NFATC3: variants seen among roughly 807,000 people sequenced by gnomAD.
The protein encoded by NFATC3 is nuclear factor of activated T-cells, cytoplasmic 3.
Under a neutral mutation model 98.6 loss-of-function variants are expected in NFATC3, and 46 were observed. That is an observed-to-expected ratio of 0.47 (90% CI 0.37 to 0.60). The LOEUF is 0.60. NFATC3 is among the 20% of genes least tolerant of loss of function. The pLI is 0.00. For missense variants in NFATC3, 1,256 were observed against 1,295.5 expected (o/e 0.97, Z 0.47); for synonymous variants, 512 against 472.2 (o/e 1.08, Z -1.09).
intron 3 of NFATC3, among the ~76,000 whole-genome samples, chr16:68,135,790 C>T (rs759517720): frequency 6.6e-5 from 10 of 151,978 alleles, no homozygotes; most frequent in Non-Finnish European, 1.0e-4. Flanking sequence ...AGGCTGGGTG[C>T]GGTGGCTCAC....
In NFATC3 at chr16:68,165,713, C is replaced by T. The variant is rs77484859; in HGVS notation, c.1602-1130C>T. 6.9e-3 allele frequency among the ~76,000 whole-genome samples: 1,055 copies of T among 152,194 alleles called. 17 individuals are homozygous for T. Among genetic ancestry groups the T allele is most frequent in the African/African-American group, 0.024 (982 of 41,526 alleles). On this transcript the variant is annotated intron_variant, in intron 4 of 9. Coordinates refer to ENST00000346183, the MANE Select transcript of NFATC3 (RefSeq NM_173165.3). The stretch of plus-strand genomic sequence containing the variant: ...ACCCGGCCGGTTCTTGTCTTGCTAT[C>T]CTAGTTCTGTAATATATTGTCCTTC...
chr16:68,090,056 A>G (rs981099137), intron 1 of NFATC3, among the ~76,000 whole-genome samples: 1 of 152,164 alleles, frequency 6.6e-6, no homozygotes, highest in African/African-American at 2.4e-5. Flanking sequence ...TTGAGGAACT[A>G]TTCCTAGAAA....
chr16:68,188,289 G>A (rs2151107771), intron 8 of NFATC3, among the ~76,000 whole-genome samples: 1 of 152,288 alleles, frequency 6.6e-6, no homozygotes, highest in East Asian at 1.9e-4. Flanking sequence ...CATCGTTTGA[G>A]TGGCTGTAGC....
chr16:68,209,256 C>T (rs2041275246), intron 9 of NFATC3, among the ~76,000 whole-genome samples: 1 of 152,112 alleles, frequency 6.6e-6, no homozygotes, highest in Admixed American at 6.6e-5. Flanking sequence ...GATACCAGCA[C>T]TTTGGGAGGC....
At chr16:68,154,318 GA>G (rs1222765372) in intron 3 of NFATC3, among the ~76,000 whole-genome samples, 1 of 152,056 alleles carries the variant, frequency 6.6e-6, no homozygotes, top group Non-Finnish European at 1.5e-5. Flanking sequence ...AGTTAGTTAC[GA>G]AAATCTCTTT....
intron 8 of NFATC3, among the ~76,000 whole-genome samples, chr16:68,186,883 T>C (rs2040227020): frequency 6.6e-6 from 1 of 152,270 alleles, no homozygotes; most frequent in Non-Finnish European, 1.5e-5. Context: ...ATTTTACTTA[T>C]ACAATTTTTA....
At chr16:68,127,364 G>A (rs761414672) in intron 3 of NFATC3, among the ~76,000 whole-genome samples, 1 of 152,058 alleles carries the variant, frequency 6.6e-6, no homozygotes, top group Non-Finnish European at 1.5e-5. Flanking sequence ...AAGACTGAAT[G>A]GATAGCTAGA....
chr16:68,183,181 T>A, intron 7 of NFATC3, 59 bp from the exon 8 acceptor site: 1 of 1,525,090 alleles, frequency 6.6e-7, no homozygotes, highest in South Asian at 1.3e-5. Context: ...GTGATGTGTT[T>A]AACAGGTGCA....
At chr16:68,105,737 G>C (rs895620560) in intron 1 of NFATC3, among the ~76,000 whole-genome samples, 27 of 152,122 alleles carry the variant, frequency 1.8e-4, no homozygotes, top group Non-Finnish European at 4.4e-5. Flanking sequence ...GGAGAATTTT[G>C]ACTATGATTC....
chr16:68,113,620 C>A (rs2036101334), intron 1 of NFATC3, among the ~76,000 whole-genome samples: 1 of 152,200 alleles, frequency 6.6e-6, no homozygotes, highest in South Asian at 2.1e-4. Flanking sequence ...CTTGGCTGAG[C>A]AGGTTCGGCT....
At chr16:68,168,155 A>T (rs2039299969) in intron 5 of NFATC3, among the ~76,000 whole-genome samples, 1 of 140,546 alleles carries the variant, frequency 7.1e-6, no homozygotes, top group Admixed American at 7.2e-5. Context: ...TCTTTTTTTC[A>T]GGTGAGGGGG....
chr16:68,129,165 T>C lies in NFATC3; in HGVS notation c.1401+2555T>C, dbSNP rs1244144009. Among the ~76,000 whole-genome samples, 3 of 152,054 alleles carry C rather than the reference T, an allele frequency of 2.0e-5. No individual in the cohort carries two copies. In the East Asian group the frequency reaches 5.8e-4, roughly 29 times the overall value. On this transcript the variant is annotated intron_variant, in intron 3 of 9. Transcript: ENST00000346183. ...CTGTAGTCCCAGCTCTTTCAGAAGC[T>C]GAAGTGGAAGGATCATTTGAGCCCA...
chr16:68,177,721 T>G (rs1233525548), intron 6 of NFATC3, among the ~76,000 whole-genome samples: 4 of 152,292 alleles, frequency 2.6e-5, no homozygotes, highest in African/African-American at 9.6e-5. Context: ...CTTTTTCTAC[T>G]GGATCCTTCT....
intron 3 of NFATC3, among the ~76,000 whole-genome samples, chr16:68,132,328 T>G (rs2037155546): frequency 6.6e-6 from 1 of 152,128 alleles, no homozygotes; most frequent in South Asian, 2.1e-4. Flanking sequence ...TAGAAGAGAT[T>G]CTGGTATAGT....
At chr16:68,089,723 A>AT (rs1334079134) in intron 1 of NFATC3, among the ~76,000 whole-genome samples, 1 of 152,192 alleles carries the variant, frequency 6.6e-6, no homozygotes, top group Non-Finnish European at 1.5e-5. Flanking sequence ...ATTGTTTGCC[A>AT]TTATAAAGGG....
Position 68,151,251 on chromosome 16 carries a change from T to C in NFATC3, c.1402-6618T>C, listed in dbSNP as rs147965979. Among the ~76,000 whole-genome samples, 1,301 of 152,158 alleles carry C rather than the reference T, an allele frequency of 8.6e-3. 14 individuals are homozygous for C. Among genetic ancestry groups the C allele is most frequent in the Non-Finnish European group, 0.014 (932 of 68,008 alleles). On this transcript the variant is annotated intron_variant, in intron 3 of 9. Coordinates refer to ENST00000346183, the MANE Select transcript of NFATC3 (RefSeq NM_173165.3). Reference sequence around the variant, plus strand: ...GACTATAGAAGACACAGTGAAGTAGTTGGACGCTTACACATGCTTGATAAT... The same window carrying C: ...GACTATAGAAGACACAGTGAAGTAGCTGGACGCTTACACATGCTTGATAAT...
intron 8 of NFATC3, among the ~76,000 whole-genome samples, chr16:68,184,797 C>G (rs1343195073): frequency 6.6e-6 from 1 of 151,196 alleles, no homozygotes; most frequent in African/African-American, 2.4e-5. Flanking sequence ...GAGCGAGACT[C>G]TGTCTCAAAA....
intron 1 of NFATC3, among the ~76,000 whole-genome samples, chr16:68,089,983 TGATAA>T (rs1431352857): frequency 6.6e-6 from 1 of 152,200 alleles, no homozygotes; most frequent in Non-Finnish European, 1.5e-5. Context: ...GTTTACTCGA[TGATAA>T]GATATGTGTA....
At chr16:68,105,154 G>A (rs942345037) in intron 1 of NFATC3, among the ~76,000 whole-genome samples, 1 of 143,922 alleles carries the variant, frequency 6.9e-6, no homozygotes, top group Non-Finnish European at 1.5e-5. Context: ...ACACTGGTAT[G>A]ATCTTGGCTT....
Sources: allele counts gnomAD v4.1 joint callset (sites outside exome capture counted in the v4.1 genomes callset), GRCh38; gene constraint gnomAD v4.1.1; transcripts MANE v1.5; gene names NCBI Gene and HGNC (gene_info 2026-07-23, HGNC 2026-07-21).